Variants in DLG2 observed in about 807,000 individuals in gnomAD.
DLG2 encodes the protein discs large MAGUK scaffold protein 2.
In DLG2, 45 loss-of-function variants were observed where a neutral mutation model predicts 132.5. The observed-to-expected ratio is 0.34, with a 90% CI of 0.27 to 0.44. The LOEUF (loss-of-function observed/expected upper bound fraction) is 0.44. Among genes scored for constraint, DLG2 ranks in the 20% least tolerant of loss-of-function variants. The probability of loss-of-function intolerance (pLI) is 1.00; values close to 1 mark genes in which losing one functional copy is unlikely to be tolerated. For missense variants in DLG2, 1,045 were observed against 1,196.9 expected (o/e 0.87, Z 1.87); for synonymous variants, 424 against 419.6 (o/e 1.01, Z -0.13).
At chr11:83,718,657 G>C (rs1389305588) in intron 18 of DLG2, among the ~76,000 whole-genome samples, 1 of 151,908 alleles carries the variant, frequency 6.6e-6, no homozygotes, top group East Asian at 1.9e-4. Flanking sequence ...AGCGAGGTAA[G>C]TATATTGGCA....
At chr11:83,831,803 G>A (rs187877305) in intron 17 of DLG2, among the ~76,000 whole-genome samples, 30 of 152,106 alleles carry the variant, frequency 2.0e-4, no homozygotes, top group Non-Finnish European at 3.2e-4. Flanking sequence ...TTAAAATATA[G>A]GCAGGAACAC....
intron 6 of DLG2, among the ~76,000 whole-genome samples, chr11:84,705,297 A>G (rs2059670333): frequency 6.6e-6 from 1 of 151,682 alleles, no homozygotes; most frequent in South Asian, 2.1e-4. Context: ...TCATGCCTAC[A>G]TGTCTAACAA....
intron 9 of DLG2, among the ~76,000 whole-genome samples, chr11:84,110,855 AC>A (rs1251949193): frequency 4.4e-4 from 67 of 152,348 alleles, no homozygotes. Flanking sequence ...TGAAGAGCAA[AC>A]ACATCTGCAA....
At chr11:85,004,323 T>C (rs757177019) in intron 6 of DLG2, among the ~76,000 whole-genome samples, 2 of 152,218 alleles carry the variant, frequency 1.3e-5, no homozygotes, top group South Asian at 2.1e-4. Context: ...TGAACTAATT[T>C]ACACTCCCAC....
chr11:84,830,430 G>A (rs1021688502), intron 6 of DLG2, among the ~76,000 whole-genome samples: 3 of 151,228 alleles, frequency 2.0e-5, no homozygotes, highest in African/African-American at 7.3e-5. Flanking sequence ...ATTCTAAAAG[G>A]AAAGTGTGTT....
intron 18 of DLG2, among the ~76,000 whole-genome samples, chr11:83,661,671 C>T (rs538033890): frequency 1.0e-3 from 152 of 152,146 alleles, no homozygotes; most frequent in African/African-American, 3.5e-3. Flanking sequence ...CTGTGACCCA[C>T]GGCTTGGAAT....
chr11:84,588,451 C>T (rs981673385), intron 6 of DLG2, among the ~76,000 whole-genome samples: 1 of 152,038 alleles, frequency 6.6e-6, no homozygotes, highest in Non-Finnish European at 1.5e-5. Context: ...TTCTTACTCC[C>T]CAATTCCAAA....
In DLG2 at chr11:83,960,919, C is replaced by A. The variant is rs149941298; in HGVS notation, c.1340+1966G>T. ...TAATTTACTTTAACAGTTTGCCAGG[C>A]ACCAACCATTCTGATTTTGTAGGGA... On this transcript the variant is annotated intron_variant, in intron 14 of 27. Coordinates refer to ENST00000376104, the MANE Select transcript of DLG2 (RefSeq NM_001142699.3). Among the ~76,000 whole-genome samples the A allele has an allele frequency of 3.3e-5, 5 of 152,050 alleles. No homozygotes were observed. The East Asian group carries it at 7.7e-4, about 23-fold the overall frequency.
At position 85,353,402 on chromosome 11, in the gene DLG2, A is replaced by T. The variant is rs560491725; in HGVS notation, c.41-68037T>A. On this transcript the variant is annotated intron_variant, in intron 3 of 27. Coordinates refer to ENST00000376104, the MANE Select transcript of DLG2 (RefSeq NM_001142699.3). ...TACACTGTTGGTGGGAGTGTAAACT[A>T]GTTCAACCATTGTGGAGGACAGTGT... Among the ~76,000 whole-genome samples the T allele has an allele frequency of 4.7e-4, 71 of 152,320 alleles. 1 individual carries two copies. Among genetic ancestry groups the T allele is most frequent in the African/African-American group, 1.6e-3 (65 of 41,568 alleles).
At chr11:84,400,971 C>T (rs962284568) in intron 7 of DLG2, among the ~76,000 whole-genome samples, 4 of 152,152 alleles carry the variant, frequency 2.6e-5, no homozygotes, top group Non-Finnish European at 5.9e-5. Context: ...TCCTCCTCCT[C>T]CCCCTTTCTG....
intron 2 of DLG2, among the ~76,000 whole-genome samples, chr11:85,623,346 C>T (rs898989154): frequency 2.0e-5 from 3 of 151,874 alleles, no homozygotes; most frequent in African/African-American, 7.3e-5. Context: ...CTCTCTGTCG[C>T]CAAGTTGGAG....
chr11:84,868,705 C>T (rs1016128995), intron 6 of DLG2, among the ~76,000 whole-genome samples: 6 of 152,084 alleles, frequency 3.9e-5, no homozygotes, highest in African/African-American at 1.4e-4. Flanking sequence ...GACATAGACT[C>T]GTAGGATTCA....
Position 84,934,503 on chromosome 11 carries a change from T to TG in DLG2, c.357+177157dup, listed in dbSNP as rs1171371314. Among the ~76,000 whole-genome samples, 24 of 80,114 alleles carry TG rather than the reference T, an allele frequency of 3.0e-4. No individual in the cohort carries two copies. In the East Asian group the frequency reaches 7.5e-3, roughly 25 times the overall value. The allele number at this position is 80,114 out of a possible 152,430, so 52.6% of individuals were successfully genotyped here. On this transcript the variant is annotated intron_variant, in intron 6 of 27. Transcript: ENST00000376104. ...ATCTGTGAATCTGTATGGTCCTGGG[T>TG]GTTTTTTTTTTGTTTTGTTTTGTTT...
At chr11:85,131,079 T>G (rs2075668449) in intron 5 of DLG2, among the ~76,000 whole-genome samples, 1 of 151,894 alleles carries the variant, frequency 6.6e-6, no homozygotes, top group South Asian at 2.1e-4. Flanking sequence ...AATACTGGAG[T>G]AATGACATTT....
chr11:83,652,530 CT>C (rs2070898176), intron 18 of DLG2, among the ~76,000 whole-genome samples: 1 of 152,130 alleles, frequency 6.6e-6, no homozygotes, highest in African/African-American at 2.4e-5. Context: ...ACCACCACAC[CT>C]GGCTAATTTT....
chr11:84,871,711 G>GTTTA (rs140551159), intron 6 of DLG2, among the ~76,000 whole-genome samples: 11,622 of 151,320 alleles, frequency 0.077, 698 homozygotes, highest in African/African-American at 0.17. Context: ...TCATTTCATT[G>GTTTA]TTTATTTATT....
intron 17 of DLG2, among the ~76,000 whole-genome samples, chr11:83,816,235 C>A (rs1050418254): frequency 6.6e-6 from 1 of 152,174 alleles, no homozygotes; most frequent in Non-Finnish European, 1.5e-5. Context: ...TAAATAGGCT[C>A]CAGCCTATTA....
intron 6 of DLG2, among the ~76,000 whole-genome samples, chr11:85,058,196 C>T (rs1327458673): frequency 1.3e-5 from 2 of 151,398 alleles, no homozygotes; most frequent in Non-Finnish European, 3.0e-5. Context: ...GTGAATTTAG[C>T]AAGTTGTCTA....
At chr11:83,760,633 G>T (rs930379540) in intron 18 of DLG2, among the ~76,000 whole-genome samples, 1 of 152,052 alleles carries the variant, frequency 6.6e-6, no homozygotes, top group Non-Finnish European at 1.5e-5. Context: ...TGGGATTACA[G>T]GTGTGAGCCA....
Sources: gnomAD v4.1 joint callset for allele counts (sites outside exome capture counted in the v4.1 genomes callset) on GRCh38, gnomAD v4.1.1 for gene constraint, MANE v1.5 for transcripts, NCBI Gene and HGNC (gene_info 2026-07-23, HGNC 2026-07-21) for gene names.